The following COP1 variants were observed in gnomAD, a reference collection of about 807,000 sequenced individuals.
COP1 encodes the protein E3 ubiquitin-protein ligase COP1.
In COP1, 24 loss-of-function variants were observed where a neutral mutation model predicts 101.3. That is an observed-to-expected ratio of 0.24 (90% CI 0.17 to 0.33). The LOEUF (loss-of-function observed/expected upper bound fraction) is 0.33. Ranked by LOEUF, COP1 falls within the 10% of genes least tolerant of loss-of-function variation. The pLI is 1.00. For missense variants in COP1, 663 were observed against 906.2 expected (o/e 0.73, Z 3.45); for synonymous variants, 347 against 341.9 (o/e 1.01, Z -0.17).
intron 15 of COP1, among the ~76,000 whole-genome samples, chr1:176,000,672 C>T (rs1237220018): frequency 6.6e-6 from 1 of 151,450 alleles, no homozygotes; most frequent in African/African-American, 2.4e-5. Flanking sequence ...TGGTTCTCAG[C>T]ATTTTGGAAA....
chr1:176,079,466 C>T (rs917257958), intron 11 of COP1, among the ~76,000 whole-genome samples: 4 of 151,748 alleles, frequency 2.6e-5, no homozygotes, highest in South Asian at 2.1e-4. Flanking sequence ...CAACACATAC[C>T]GGGGACAACT....
rs1686235317 is a variant in COP1, at chr1:176,116,680, T to C, written c.970A>G (p.Ser324Gly). 8.1e-6 allele frequency: 13 copies of C among 1,603,226 alleles called. No individual in the cohort carries two copies. The East Asian group carries it at 2.5e-4, about 30-fold the overall frequency. The change falls in exon 9 of 20, where the codon AGT (serine) becomes GGT (glycine). Residue 324 changes from serine (S) to glycine (G), a missense_variant and splice_region_variant. Ser to Gly is a moderately conservative substitution (Grantham distance 56). Around this residue, in one of 4 missense-constraint regions of COP1, gnomAD observed 212 missense variants for 240.7 expected, o/e 0.88. Coordinates refer to ENST00000367669, the MANE Select transcript of COP1 (RefSeq NM_022457.7). Reference sequence around the variant, plus strand: ...CTGTATTCTGTGGAATCAATAATACTACTGCAAAATGAAGAGAAAAAAATG... The same window carrying C: ...CTGTATTCTGTGGAATCAATAATACCACTGCAAAATGAAGAGAAAAAAATG... ...QFEAPSPSHS[S>G]IIDSTEYSQP...
At position 176,047,103 on chromosome 1, in the gene COP1, A is replaced by T. The variant is rs184962133; in HGVS notation, c.1278-779T>A. 6.3e-3 allele frequency among the ~76,000 whole-genome samples: 958 copies of T among 152,302 alleles called. 7 individuals carry two copies. Among genetic ancestry groups the T allele is most frequent in the African/African-American group, 0.022 (907 of 41,576 alleles). ...CTTGCAGCCTAAACACAGTTGTTAC[A>T]TAACCAGCTGGAAATCTAATTAGCC... On this transcript the variant is annotated intron_variant, in intron 11 of 19. Coordinates refer to ENST00000367669, the MANE Select transcript of COP1 (RefSeq NM_022457.7).
intron 10 of COP1, among the ~76,000 whole-genome samples, chr1:176,083,617 T>A (rs1348332292): frequency 1.3e-5 from 2 of 152,228 alleles, no homozygotes; most frequent in Non-Finnish European, 2.9e-5. Context: ...TAGTGCTTTA[T>A]AATTAACTTC....
intron 8 of COP1, among the ~76,000 whole-genome samples, chr1:176,125,634 G>A (rs531584414): frequency 6.6e-6 from 1 of 152,260 alleles, no homozygotes; most frequent in South Asian, 2.1e-4. Context: ...TAGCTATATA[G>A]TATAATGTAA....
intron 11 of COP1, among the ~76,000 whole-genome samples, chr1:176,048,072 TA>T (rs929164288): frequency 6.6e-6 from 1 of 151,832 alleles, no homozygotes. Flanking sequence ...GACCCTGTCT[TA>T]AAAAACAACT....
Position 176,206,556 on chromosome 1 carries a change from T to A in COP1, c.407+16A>T. Reference sequence around the variant, plus strand: ...TCATAATTTAGGGACAAGGAGGGAGTGCTCTTCAAACCCACCATACGAAGT... The same window carrying A: ...TCATAATTTAGGGACAAGGAGGGAGAGCTCTTCAAACCCACCATACGAAGT... On this transcript the variant is annotated intron_variant, in intron 1 of 19. Transcript: ENST00000367669. The A allele has an allele frequency of 6.3e-7, 1 of 1,587,398 alleles. No homozygotes were observed.
intron 14 of COP1, among the ~76,000 whole-genome samples, chr1:176,040,778 G>A (rs1216165547): frequency 6.6e-6 from 1 of 152,126 alleles, no homozygotes; most frequent in African/African-American, 2.4e-5. Context: ...TGTATTAAAA[G>A]GCCAAAGGGA....
chr1:175,963,087 C>A lies in COP1; in HGVS notation c.2134-15848G>T, dbSNP rs927822448. On this transcript the variant is annotated intron_variant, in intron 18 of 19. Transcript: ENST00000367669. ...GGAAACTGAACACAGAAAAAAAAAA[C>A]CCTGAATAATTAAATTATTTAATAA... Among the ~76,000 whole-genome samples the A allele has an allele frequency of 2.6e-5, 4 of 151,466 alleles. No homozygotes were observed. In the South Asian group the frequency reaches 6.3e-4, roughly 24 times the overall value.
rs369887649 is a variant in COP1, at chr1:176,028,696, CATATAT to C, written c.1613-1014_1613-1009del. Among the ~76,000 whole-genome samples, 404 of 47,908 alleles carry C rather than the reference CATATAT, an allele frequency of 8.4e-3. 18 individuals carry two copies. The highest frequency in any genetic ancestry group is 0.049 in the South Asian group (43 of 874). The allele number at this position is 47,908 out of a possible 152,430, so 31.4% of individuals were successfully genotyped here. ...CTGGAGCTAGGTGGTATATTTGTTT[CATATAT>C]ATATATATATATATATATATATATA... On this transcript the variant is annotated intron_variant, in intron 14 of 19. Transcript: ENST00000367669.
chr1:176,046,124 T>C (rs1051906205), intron 12 of COP1, 57 bp downstream of exon 12: 4 of 1,369,980 alleles, frequency 2.9e-6, no homozygotes, highest in Non-Finnish European at 4.0e-6. Flanking sequence ...TCATGATAAT[T>C]ACATATGCAA....
chr1:176,206,637 A>C lies in COP1; in HGVS notation c.342T>G (p.Pro114=). 1 of 1,611,964 alleles carries C rather than the reference A, an allele frequency of 6.2e-7. No individual in the cohort carries two copies. The highest frequency in any genetic ancestry group is 8.5e-7 in the Non-Finnish European group (1 of 1,179,982). ...SSLGSGSRKR[P]LLAPLCNGLI... ...GCCCGTTGCAGAGGGGGGCGAGGAG[A>C]GGTCGCTTCCTGCTGCCGCTGCCTA... Residue 114 remains proline, a synonymous_variant, in exon 1 of 20, where the codon CCT becomes CCG. Transcript: ENST00000367669.
intron 11 of COP1, among the ~76,000 whole-genome samples, chr1:176,048,995 A>AC (rs1404960182): frequency 6.6e-6 from 1 of 150,838 alleles, no homozygotes; most frequent in Non-Finnish European, 1.5e-5. Context: ...ACAAGGTGAA[A>AC]CCCCGTCTCT....
intron 11 of COP1, among the ~76,000 whole-genome samples, chr1:176,071,930 A>C (rs569672941): frequency 3.4e-4 from 52 of 152,364 alleles, no homozygotes; most frequent in Non-Finnish European, 2.4e-4. Flanking sequence ...AGGGAAAATA[A>C]ACAGGAAAAC....
Position 176,187,291 on chromosome 1 carries a change from C to CAT in COP1, c.408-2601_408-2600dup, listed in dbSNP as rs1392474205. Among the ~76,000 whole-genome samples, 319 of 151,860 alleles carry CAT rather than the reference C, an allele frequency of 2.1e-3. 1 individual carries two copies. The highest frequency in any genetic ancestry group is 7.3e-3 in the African/African-American group (304 of 41,388). The stretch of plus-strand genomic sequence containing the variant: ...CAGGTGCATATCACCACATGTAGCT[C>CAT]ATATATATATACATACACACATATA... On this transcript the variant is annotated intron_variant, in intron 1 of 19. Coordinates refer to ENST00000367669, the MANE Select transcript of COP1 (RefSeq NM_022457.7).
chr1:176,150,233 A>G (rs1692199930), intron 5 of COP1, among the ~76,000 whole-genome samples: 2 of 152,238 alleles, frequency 1.3e-5, no homozygotes, highest in African/African-American at 2.4e-5. Flanking sequence ...ATTTTAAAAA[A>G]TAAGAGGCAA....
At chr1:175,986,919 G>GA in intron 18 of COP1, 24 bp downstream of exon 18, 1 of 1,538,578 alleles carries the variant, frequency 6.5e-7, no homozygotes, top group African/African-American at 1.4e-5. Context: ...ATCCCAAGGT[G>GA]AAAAAACTGA....
At chr1:176,102,996 T>A (rs959102200) in intron 9 of COP1, among the ~76,000 whole-genome samples, 2 of 152,108 alleles carry the variant, frequency 1.3e-5, no homozygotes, top group African/African-American at 4.8e-5. Flanking sequence ...CCCAAATGCT[T>A]GGGGAGACTG....
intron 8 of COP1, among the ~76,000 whole-genome samples, chr1:176,129,036 A>G (rs1688487620): frequency 6.6e-6 from 1 of 151,934 alleles, no homozygotes; most frequent in Non-Finnish European, 1.5e-5. Context: ...AGTTGCATAG[A>G]ATGACATGGG....
Sources: gnomAD v4.1 joint callset for allele counts (sites outside exome capture counted in the v4.1 genomes callset) on GRCh38, gnomAD v4.1.1 for gene constraint, gnomAD v4.1.1 regional missense constraint, MANE v1.5 for transcripts, NCBI Gene and HGNC (gene_info 2026-07-23, HGNC 2026-07-21) for gene names.